Variants in FBN1 observed in about 807,000 individuals in gnomAD.
The protein encoded by FBN1 is fibrillin-1.
A neutral mutation model predicts 365.1 loss-of-function variants in FBN1; 29 were observed. The ratio of observed to expected loss-of-function variants is 0.08; its 90% confidence interval spans 0.06 to 0.11. FBN1 has a LOEUF of 0.11. Ranked by LOEUF, FBN1 falls within the 10% of genes least tolerant of loss-of-function variation. The probability of loss-of-function intolerance (pLI) is 1.00; values close to 1 mark genes in which losing one functional copy is unlikely to be tolerated. For synonymous variants in FBN1, 1,210 were observed against 1,270.5 expected, an observed-to-expected ratio of 0.95 and a Z score of 1.01; for missense variants, 2,476 against 3,703.2, an observed-to-expected ratio of 0.67 and a Z score of 8.60.
intron 5 of FBN1, among the ~76,000 whole-genome samples, chr15:48,598,018 C>T (rs1445860106): frequency 8.5e-5 from 13 of 152,324 alleles, no homozygotes; most frequent in Non-Finnish European, 1.0e-4. Flanking sequence ...AGCCCCATCT[C>T]GCCATCTCCA....
intron 6 of FBN1, among the ~76,000 whole-genome samples, chr15:48,582,730 T>G (rs2044404982): frequency 6.6e-6 from 1 of 152,228 alleles, no homozygotes; most frequent in African/African-American, 2.4e-5. Context: ...ATTTTTGTGG[T>G]GTACTTGCAT....
At chr15:48,606,274 C>T (rs1337100730) in intron 4 of FBN1, among the ~76,000 whole-genome samples, 1 of 152,080 alleles carries the variant, frequency 6.6e-6, no homozygotes, top group East Asian at 1.9e-4. Flanking sequence ...CAAACTTGTA[C>T]ACAAATGTTC....
At chr15:48,645,217 G>A (rs1489409701) in intron 1 of FBN1, among the ~76,000 whole-genome samples, 4 of 152,310 alleles carry the variant, frequency 2.6e-5, no homozygotes, top group South Asian at 2.1e-4. Context: ...CTAAGCCCCG[G>A]GCGAGCTCTC....
chr15:48,592,561 A>AT (rs2044485829), intron 6 of FBN1, among the ~76,000 whole-genome samples: 1 of 152,208 alleles, frequency 6.6e-6, no homozygotes, highest in South Asian at 2.1e-4. Flanking sequence ...CTAAGAAGTG[A>AT]TTAAGTTCTA....
At chr15:48,544,634 G>A (rs1287241321) in intron 6 of FBN1, among the ~76,000 whole-genome samples, 2 of 152,204 alleles carry the variant, frequency 1.3e-5, no homozygotes, top group South Asian at 2.1e-4. Flanking sequence ...CCATAGTTCT[G>A]TGGGACCCAA....
At chr15:48,575,675 G>A (rs2044341073) in intron 6 of FBN1, among the ~76,000 whole-genome samples, 1 of 151,974 alleles carries the variant, frequency 6.6e-6, no homozygotes, top group African/African-American at 2.4e-5. Context: ...CTACCCAAAG[G>A]AAGAGAAATC....
chr15:48,558,816 A>T (rs1176753607), intron 6 of FBN1, among the ~76,000 whole-genome samples: 3 of 152,180 alleles, frequency 2.0e-5, no homozygotes, highest in African/African-American at 7.2e-5. Context: ...TCGTGGGAGT[A>T]CCTATAGGTG....
chr15:48,500,969 A>G (rs1346936821), intron 17 of FBN1, among the ~76,000 whole-genome samples: 2 of 152,192 alleles, frequency 1.3e-5, no homozygotes, highest in Non-Finnish European at 2.9e-5. Flanking sequence ...CCTACCCCCC[A>G]TTCTTGAAAT....
intron 3 of FBN1, among the ~76,000 whole-genome samples, chr15:48,612,661 TGG>T (rs1033060791): frequency 2.6e-5 from 4 of 152,192 alleles, no homozygotes; most frequent in African/African-American, 9.7e-5. Context: ...GTACAGGGTT[TGG>T]TAAGGCCCGT....
rs76975751 is a variant in FBN1 at position 48,429,527 on chromosome 15, G to C, written c.6872-1056C>G. ...GTCCCTCAGATGGAGCTCTCACTAG[G>C]AAAGAGAGAAAGTTGGAAGGTGAAT... On this transcript the variant is annotated intron_variant, in intron 56 of 65. Transcript: ENST00000316623. Among the ~76,000 whole-genome samples, 2,800 of 152,256 alleles carry C rather than the reference G, an allele frequency of 0.018. 65 individuals are homozygous for C. The highest frequency in any genetic ancestry group is 0.057 in the African/African-American group (2,360 of 41,550).
Position 48,437,845 on chromosome 15 carries a change from G to A in FBN1, c.6236C>T (p.Ser2079Phe). The change falls in exon 51 of 66, where the codon TCC (serine) becomes TTC (phenylalanine). Residue 2079 changes from serine (S) to phenylalanine (F), a missense_variant. By Grantham distance (155) the Ser-to-Phe change is radical. Coordinates refer to ENST00000316623, the MANE Select transcript of FBN1 (RefSeq NM_000138.5). ...KCSSPKSRNH[S>F]KQECCCALKG... ...CAAGGCACAGCAGCATTCCTGCTTG[G>A]AGTGATTTCTGGATTTGGGTGATGA... 1 of 1,613,878 alleles carries A rather than the reference G, an allele frequency of 6.2e-7. No homozygotes were observed. Among genetic ancestry groups the A allele is most frequent in the Non-Finnish European group, 8.5e-7 (1 of 1,179,862 alleles).
chr15:48,498,176 C>CT lies in FBN1; in HGVS notation c.2168-786dup, dbSNP rs57491754. On this transcript the variant is annotated intron_variant, in intron 18 of 65. Transcript: ENST00000316623. ...TGACTCTTCTATAAATTAGGGTTGA[C>CT]TTTTTTTTTTTCTTCCAAGTCCCTA... Among the ~76,000 whole-genome samples, 22 of 149,286 alleles carry CT rather than the reference C, an allele frequency of 1.5e-4. 1 individual carries two copies. Among genetic ancestry groups the CT allele is most frequent in the Middle Eastern group, 3.6e-3 (1 of 280 alleles).
chr15:48,489,970 C>G lies in FBN1; in HGVS notation c.2963G>C (p.Trp988Ser), dbSNP rs2043543553. ...DACCCSVGAA[W>S]GTEECEECPM... is the part of the protein sequence containing the mutation. ...ACACTCCTCGCATTCCTCAGTACCC[C>G]AGGCTGCCCCGACGGAGCAGCAGCA... is the stretch of plus-strand genomic sequence containing the variant. The change falls in exon 25 of 66, where the codon TGG becomes TCG. Residue 988 changes from tryptophan (W) to serine (S), a missense_variant. Trp to Ser is a radical substitution (Grantham distance 177). Coordinates refer to ENST00000316623, the MANE Select transcript of FBN1 (RefSeq NM_000138.5). The G allele has an allele frequency of 1.2e-6, 2 of 1,614,030 alleles. No individual in the cohort carries two copies. Among genetic ancestry groups the G allele is most frequent in the African/African-American group, 2.7e-5 (2 of 74,910 alleles).
intron 2 of FBN1, 70 bp downstream of exon 2, chr15:48,644,536 C>T: frequency 6.2e-7 from 1 of 1,605,876 alleles, no homozygotes. Context: ...CAGGGAGAGT[C>T]ATCCTGCCCG....
chr15:48,567,499 C>T (rs1023022051), intron 6 of FBN1, among the ~76,000 whole-genome samples: 3 of 151,928 alleles, frequency 2.0e-5, no homozygotes, highest in Non-Finnish European at 4.4e-5. Flanking sequence ...CAAAGCCAGA[C>T]GAAGACATGA....
At chr15:48,501,293 G>A (rs1273782960) in intron 17 of FBN1, among the ~76,000 whole-genome samples, 1 of 152,174 alleles carries the variant, frequency 6.6e-6, no homozygotes, top group Non-Finnish European at 1.5e-5. Flanking sequence ...TATTATGGGA[G>A]TGAGTTAGTT....
At chr15:48,499,162 A>G in intron 17 of FBN1, 124 bp from the exon 18 acceptor site, 1 of 927,386 alleles carries the variant, frequency 1.1e-6, no homozygotes, top group Non-Finnish European at 1.8e-6. Context: ...GTAACGGAAA[A>G]GGAGGTATCT....
Position 48,520,674 on chromosome 15 carries a change from G to T in FBN1, c.1132C>A (p.Pro378Thr). The change falls in exon 10 of 66, where the codon CCC becomes ACC. Residue 378 changes from proline to threonine, a missense_variant. Around this residue, in one of 5 missense-constraint regions of FBN1, gnomAD observed 421 missense variants for 520.1 expected, o/e 0.81. Transcript: ENST00000316623. ...PGVTVAPEMC[P>T]IRATEDFNKL... ...GGGCTCTTACCGGTTGCTCTGATGG[G>T]ACACATCTCAGGGGCGACAGTGACC... 6.2e-7 allele frequency: 1 copy of T among 1,614,116 alleles called. No individual in the cohort carries two copies. Among genetic ancestry groups the T allele is most frequent in the Non-Finnish European group, 8.5e-7 (1 of 1,180,008 alleles).
At chr15:48,458,549 G>A (rs1201014386) in intron 43 of FBN1, among the ~76,000 whole-genome samples, 1 of 152,164 alleles carries the variant, frequency 6.6e-6, no homozygotes, top group Admixed American at 6.5e-5. Flanking sequence ...TTCATTCAGT[G>A]TGGGTTAGAA....
Sources: gnomAD v4.1 joint callset for allele counts (sites outside exome capture counted in the v4.1 genomes callset) on GRCh38, gnomAD v4.1.1 for gene constraint, gnomAD v4.1.1 regional missense constraint, MANE v1.5 for transcripts, NCBI Gene and HGNC (gene_info 2026-07-23, HGNC 2026-07-21) for gene names.